GALNTL6: variants seen among roughly 807,000 people sequenced by gnomAD.
GALNTL6 encodes polypeptide N-acetylgalactosaminyltransferase-like 6.
GALNTL6 carries 46 observed loss-of-function variants against 73.7 expected under a neutral mutation model. The observed-to-expected ratio is 0.62, with a 90% confidence interval of 0.49 to 0.80. The LOEUF is 0.80. Ranked by LOEUF, GALNTL6 falls within the 30% of genes least tolerant of loss-of-function variation. GALNTL6 has a pLI of 0.00. For missense variants in GALNTL6, 604 were observed against 755.0 expected, an observed-to-expected ratio of 0.80 and a Z score of 2.34; for synonymous variants, 259 against 263.7, an observed-to-expected ratio of 0.98 and a Z score of 0.17.
intron 5 of GALNTL6, among the ~76,000 whole-genome samples, chr4:172,564,086 T>A (rs1736474812): frequency 6.6e-6 from 1 of 152,226 alleles, no homozygotes; most frequent in African/African-American, 2.4e-5. Context: ...TATTATTAGA[T>A]CACATTGTGC....
intron 2 of GALNTL6, among the ~76,000 whole-genome samples, chr4:171,863,188 A>G (rs1735879847): frequency 6.6e-6 from 1 of 152,340 alleles, no homozygotes; most frequent in East Asian, 1.9e-4. Context: ...TGAAAGGAGT[A>G]CAAGGCCCTA....
intron 5 of GALNTL6, among the ~76,000 whole-genome samples, chr4:172,484,165 G>C (rs1427288186): frequency 2.6e-5 from 4 of 152,122 alleles, no homozygotes; most frequent in Non-Finnish European, 4.4e-5. Context: ...ACTTGTGCTA[G>C]ATTTTTGATC....
chr4:172,206,209 C>T (rs1022295458), intron 2 of GALNTL6, among the ~76,000 whole-genome samples: 1 of 152,098 alleles, frequency 6.6e-6, no homozygotes, highest in Non-Finnish European at 1.5e-5. Context: ...TGGACAAATC[C>T]TTCTAAATAC....
intron 5 of GALNTL6, among the ~76,000 whole-genome samples, chr4:172,726,276 G>C (rs1015171877): frequency 1.3e-5 from 2 of 152,192 alleles, no homozygotes; most frequent in Admixed American, 1.3e-4. Flanking sequence ...GCCAGGTTCC[G>C]AGGCCTAAAG....
intron 2 of GALNTL6, among the ~76,000 whole-genome samples, chr4:172,003,866 A>G (rs1740751143): frequency 6.6e-6 from 1 of 152,160 alleles, no homozygotes; most frequent in Admixed American, 6.6e-5. Context: ...ACCTGTATCA[A>G]AAGAAAAATA....
chr4:172,672,943 AT>A lies in GALNTL6; in HGVS notation c.554-136411del, dbSNP rs201368664. Among the ~76,000 whole-genome samples, 1,269 of 151,872 alleles carry A rather than the reference AT, an allele frequency of 8.4e-3. 4 individuals carry two copies. Among genetic ancestry groups the A allele is most frequent in the Middle Eastern group, 0.027 (8 of 294 alleles). ...TTCTTTATTATCTAGATAACAGTCT[AT>A]TTTTTTATTAATTTTTTCAAAAAAT... On this transcript the variant is annotated intron_variant, in intron 5 of 12. Transcript: ENST00000506823.
At chr4:172,182,761 T>A (rs115816764) in intron 2 of GALNTL6, among the ~76,000 whole-genome samples, 1 of 151,894 alleles carries the variant, frequency 6.6e-6, no homozygotes. Flanking sequence ...ATAAAAAAAT[T>A]TATTATGACA....
At chr4:172,883,026 C>T (rs1745540655) in intron 8 of GALNTL6, 119 bp downstream of exon 8, 1 of 599,732 alleles carries the variant, frequency 1.7e-6, no homozygotes. Flanking sequence ...AGATGTATCA[C>T]CTTCCCAAGT....
intron 8 of GALNTL6, among the ~76,000 whole-genome samples, chr4:172,889,147 G>A (rs1745884006): frequency 6.6e-6 from 1 of 152,126 alleles, no homozygotes; most frequent in African/African-American, 2.4e-5. Context: ...TATCAGGTCT[G>A]TAAGCCATTT....
At chr4:171,845,226 T>G (rs1735338966) in intron 2 of GALNTL6, among the ~76,000 whole-genome samples, 1 of 152,192 alleles carries the variant, frequency 6.6e-6, no homozygotes, top group African/African-American at 2.4e-5. Context: ...GATTGGATAA[T>G]TGCATCTGGA....
At chr4:172,989,389 A>C (rs1158706245) in intron 10 of GALNTL6, among the ~76,000 whole-genome samples, 2 of 152,202 alleles carry the variant, frequency 1.3e-5, no homozygotes, top group Non-Finnish European at 2.9e-5. Context: ...GAAATGAATT[A>C]ACATTTCAGG....
chr4:173,028,358 A>T (rs1561095496), intron 12 of GALNTL6, among the ~76,000 whole-genome samples: 1 of 152,172 alleles, frequency 6.6e-6, no homozygotes, highest in Non-Finnish European at 1.5e-5. Flanking sequence ...ATATTCTTTG[A>T]AAGGTCCCGA....
chr4:172,017,913 G>A (rs1022561439), intron 2 of GALNTL6, among the ~76,000 whole-genome samples: 3 of 151,572 alleles, frequency 2.0e-5, no homozygotes, highest in Non-Finnish European at 4.4e-5. Context: ...GAGGTTGCAG[G>A]GGAGTGATGT....
At chr4:172,375,720 C>T (rs1008592570) in intron 5 of GALNTL6, among the ~76,000 whole-genome samples, 5 of 152,156 alleles carry the variant, frequency 3.3e-5, no homozygotes, top group African/African-American at 1.2e-4. Context: ...TTTAGTGGCC[C>T]TTACTGATGC....
At chr4:172,224,344 G>A (rs777285213) in intron 2 of GALNTL6, among the ~76,000 whole-genome samples, 13 of 152,040 alleles carry the variant, frequency 8.6e-5, no homozygotes, top group Non-Finnish European at 1.6e-4. Context: ...AATTTATATC[G>A]TCTGCCTTTG....
chr4:172,878,022 A>G (rs889497595), intron 7 of GALNTL6, among the ~76,000 whole-genome samples: 1 of 152,060 alleles, frequency 6.6e-6, no homozygotes, highest in Non-Finnish European at 1.5e-5. Flanking sequence ...AATAGAACCT[A>G]TGGCTAAAGT....
intron 2 of GALNTL6, among the ~76,000 whole-genome samples, chr4:171,859,124 G>A (rs935595374): frequency 6.6e-6 from 1 of 152,000 alleles, no homozygotes; most frequent in Non-Finnish European, 1.5e-5. Flanking sequence ...TTCAACACAG[G>A]TGTATCTTTC....
At chr4:171,951,205 C>G (rs1738867014) in intron 2 of GALNTL6, among the ~76,000 whole-genome samples, 1 of 151,778 alleles carries the variant, frequency 6.6e-6, no homozygotes, top group Admixed American at 6.6e-5. Flanking sequence ...AAAAAAATAA[C>G]AGAAGAAAGA....
At chr4:172,224,022 C>T (rs1736771073) in intron 2 of GALNTL6, among the ~76,000 whole-genome samples, 1 of 152,040 alleles carries the variant, frequency 6.6e-6, no homozygotes, top group Admixed American at 6.6e-5. Flanking sequence ...GAGTTTCAAC[C>T]ACATAATTTA....
Sources: allele counts gnomAD v4.1 joint callset (sites outside exome capture counted in the v4.1 genomes callset), GRCh38; gene constraint gnomAD v4.1.1; transcripts MANE v1.5; gene names NCBI Gene and HGNC (gene_info 2026-07-23, HGNC 2026-07-21).